WDPCP: variants seen among roughly 807,000 people sequenced by gnomAD.
WDPCP encodes the protein WD repeat-containing and planar cell polarity effector protein fritz homolog.
WDPCP carries 71 observed loss-of-function variants against 93.1 expected under a neutral mutation model. That is an observed-to-expected ratio of 0.76 (90% CI 0.63 to 0.93). WDPCP has a LOEUF of 0.93. Among genes scored for constraint, WDPCP ranks in the 40% least tolerant of loss-of-function variants. WDPCP has a pLI of 0.00. For missense variants in WDPCP, 844 were observed against 887.4 expected, an observed-to-expected ratio of 0.95 and a Z score of 0.62; for synonymous variants, 315 against 315.0, an observed-to-expected ratio of 1.00 and a Z score of 0.00.
chr2:63,530,871 G>A (rs963372559), intron 1 of WDPCP, among the ~76,000 whole-genome samples: 1 of 30,614 alleles, frequency 3.3e-5, no homozygotes, highest in Non-Finnish European at 5.9e-5. Flanking sequence ...CACACAGTGT[G>A]AGCCAAAGCA....
intron 13 of WDPCP, among the ~76,000 whole-genome samples, chr2:63,275,367 T>G (rs763603548): frequency 2.0e-5 from 3 of 152,182 alleles, no homozygotes; most frequent in Non-Finnish European, 4.4e-5. Flanking sequence ...GTATTTCTTC[T>G]AAGAACTGAA....
chr2:63,438,151 G>C lies in WDPCP; in HGVS notation c.500-597C>G, dbSNP rs541033302. ...GCTTTGTCACCAAAGCACACAAGTA[G>C]GTAAATAACTAATATTTGTGGATTA... On this transcript the variant is annotated intron_variant, in intron 7 of 17. Transcript: ENST00000272321. 11 of 462,060 alleles carry C rather than the reference G, an allele frequency of 2.4e-5. No homozygotes were observed. In the East Asian group the frequency reaches 2.5e-4, roughly 11 times the overall value. 28.6% of individuals were successfully genotyped at this position (462,060 alleles called of 1,614,324 possible).
intron 17 of WDPCP, among the ~76,000 whole-genome samples, chr2:63,139,199 A>ACC (rs2103675418): frequency 6.9e-6 from 1 of 144,934 alleles, no homozygotes; most frequent in African/African-American, 2.5e-5. Flanking sequence ...ACACACACAC[A>ACC]CCAGTTTCTT....
At chr2:63,306,360 A>T (rs1019894131) in intron 13 of WDPCP, among the ~76,000 whole-genome samples, 6 of 152,222 alleles carry the variant, frequency 3.9e-5, no homozygotes, top group Non-Finnish European at 7.3e-5. Flanking sequence ...AAACAATAGA[A>T]AAAGAGGGAC....
intron 2 of WDPCP, among the ~76,000 whole-genome samples, chr2:63,702,183 AC>A (rs1352333382): frequency 1.9e-4 from 29 of 151,506 alleles, no homozygotes; most frequent in African/African-American, 7.0e-4. Flanking sequence ...ATGCCACCAC[AC>A]CCGGCTAATT....
At chr2:63,201,707 C>A (rs990628160) in intron 14 of WDPCP, among the ~76,000 whole-genome samples, 3 of 152,106 alleles carry the variant, frequency 2.0e-5, no homozygotes, top group African/African-American at 7.2e-5. Flanking sequence ...TTATTCTCTT[C>A]TAAGGTAATT....
At chr2:63,167,240 C>G (rs1370540975) in intron 15 of WDPCP, among the ~76,000 whole-genome samples, 2 of 152,136 alleles carry the variant, frequency 1.3e-5, no homozygotes, top group Admixed American at 6.6e-5. Flanking sequence ...ACACTGAAGC[C>G]ATTTAGGAAA....
At chr2:63,814,810 T>C (rs10201844) in intron 1 of WDPCP, among the ~76,000 whole-genome samples, 33,394 of 152,154 alleles carry the variant, frequency 0.22, 4,954 homozygotes, top group East Asian at 0.76. Flanking sequence ...TCTTTTCTGT[T>C]ACACCTCATC....
chr2:63,221,215 G>A (rs559176947), intron 14 of WDPCP, among the ~76,000 whole-genome samples: 2 of 152,216 alleles, frequency 1.3e-5, no homozygotes, highest in East Asian at 3.9e-4. Flanking sequence ...TGTCGCTGTA[G>A]AACTATTTTT....
chr2:63,544,586 C>T (rs1045150734), intron 1 of WDPCP, among the ~76,000 whole-genome samples: 1 of 151,970 alleles, frequency 6.6e-6, no homozygotes, highest in Non-Finnish European at 1.5e-5. Flanking sequence ...GGTGGCCTAC[C>T]ATTTTCATGG....
At chr2:63,677,282 A>T (rs1413705693) in intron 2 of WDPCP, among the ~76,000 whole-genome samples, 1 of 152,208 alleles carries the variant, frequency 6.6e-6, no homozygotes, top group East Asian at 1.9e-4. Context: ...ATCATTCAGG[A>T]TCACAAATTA....
At chr2:63,348,170 T>G (rs914388283) in intron 12 of WDPCP, among the ~76,000 whole-genome samples, 2 of 152,210 alleles carry the variant, frequency 1.3e-5, no homozygotes, top group African/African-American at 4.8e-5. Flanking sequence ...GTTTGGTAAG[T>G]TCTTCATCTA....
chr2:63,182,982 C>A (rs1674366035), intron 14 of WDPCP, among the ~76,000 whole-genome samples: 1 of 151,522 alleles, frequency 6.6e-6, no homozygotes, highest in South Asian at 2.1e-4. Flanking sequence ...GGTATCAGTT[C>A]TAATGTCTCC....
intron 2 of WDPCP, among the ~76,000 whole-genome samples, chr2:63,791,004 A>G (rs1248494445): frequency 6.6e-6 from 1 of 152,192 alleles, no homozygotes; most frequent in East Asian, 1.9e-4. Flanking sequence ...GGATAAAGAA[A>G]GCTGCTTTCT....
chr2:63,219,112 G>T (rs544611134), intron 14 of WDPCP, among the ~76,000 whole-genome samples: 1 of 152,070 alleles, frequency 6.6e-6, no homozygotes, highest in Admixed American at 6.6e-5. Flanking sequence ...TACTATTAGG[G>T]TTTGTTATTT....
chr2:63,197,280 T>C (rs888390586), intron 14 of WDPCP, among the ~76,000 whole-genome samples: 5 of 152,208 alleles, frequency 3.3e-5, no homozygotes, highest in African/African-American at 1.2e-4. Context: ...ATTTTCTTTT[T>C]TTCTAGCTTA....
intron 2 of WDPCP, among the ~76,000 whole-genome samples, chr2:63,760,562 T>C (rs1056171304): frequency 3.2e-4 from 48 of 151,440 alleles, no homozygotes; most frequent in Admixed American, 1.4e-3. Flanking sequence ...TTTAATCTCA[T>C]CCTCAACTTA....
intron 6 of WDPCP, among the ~76,000 whole-genome samples, chr2:63,449,198 T>G (rs1698065108): frequency 6.6e-6 from 1 of 151,684 alleles, no homozygotes; most frequent in South Asian, 2.1e-4. Flanking sequence ...TTGCAGGGAG[T>G]TTTACAACTT....
At chr2:63,765,179 A>G (rs1670118584) in intron 2 of WDPCP, among the ~76,000 whole-genome samples, 1 of 152,236 alleles carries the variant, frequency 6.6e-6, no homozygotes, top group East Asian at 1.9e-4. Flanking sequence ...TTCACTAGGC[A>G]ACGGCAGTGT....
Sources: allele counts gnomAD v4.1 joint callset (sites outside exome capture counted in the v4.1 genomes callset), GRCh38; gene constraint gnomAD v4.1.1; transcripts MANE v1.5; gene names NCBI Gene and HGNC (gene_info 2026-07-23, HGNC 2026-07-21).